The following CAMK1D variants were observed in gnomAD, a reference collection of about 807,000 sequenced individuals.
CAMK1D encodes the protein calcium/calmodulin-dependent protein kinase type 1D.
Under a neutral mutation model 47.7 loss-of-function variants are expected in CAMK1D, and 9 were observed. The ratio of observed to expected loss-of-function variants is 0.19; its 90% CI spans 0.11 to 0.33. The LOEUF is 0.33. Among genes scored for constraint, CAMK1D ranks in the 10% least tolerant of loss-of-function variants. CAMK1D has a pLI of 1.00. For synonymous variants in CAMK1D, 184 were observed against 184.9 expected, an observed-to-expected ratio of 0.99 and a Z score of 0.04; for missense variants, 291 against 488.7, an observed-to-expected ratio of 0.60 and a Z score of 3.81.
intron 5 of CAMK1D, among the ~76,000 whole-genome samples, chr10:12,771,496 C>G (rs1300474695): frequency 9.9e-5 from 15 of 152,184 alleles, no homozygotes; most frequent in Non-Finnish European, 1.9e-4. Context: ...ATGTCAAGCT[C>G]AAGTGTCATA....
intron 2 of CAMK1D, among the ~76,000 whole-genome samples, chr10:12,641,184 G>C (rs1050451544): frequency 3.3e-5 from 5 of 152,158 alleles, no homozygotes; most frequent in African/African-American, 9.7e-5. Context: ...GGCCAGGATT[G>C]TCTCGAACGC....
intron 2 of CAMK1D, among the ~76,000 whole-genome samples, chr10:12,661,072 ATTCC>A (rs1375315540): frequency 1.3e-5 from 2 of 151,952 alleles, no homozygotes; most frequent in Non-Finnish European, 2.9e-5. Context: ...ACTTCTCCCT[ATTCC>A]TTCTGCTTTT....
intron 5 of CAMK1D, among the ~76,000 whole-genome samples, chr10:12,780,102 T>C (rs1370284807): frequency 6.6e-6 from 1 of 152,218 alleles, no homozygotes; most frequent in East Asian, 1.9e-4. Context: ...TTGGTCAACA[T>C]TCTCGGTGTA....
At chr10:12,796,244 C>G (rs2131014877) in intron 6 of CAMK1D, among the ~76,000 whole-genome samples, 1 of 152,224 alleles carries the variant, frequency 6.6e-6, no homozygotes, top group African/African-American at 2.4e-5. Flanking sequence ...ACGTCAGAGG[C>G]ACAAGAGCAG....
intron 3 of CAMK1D, among the ~76,000 whole-genome samples, chr10:12,724,114 G>A (rs920017685): frequency 1.7e-4 from 26 of 152,096 alleles, no homozygotes; most frequent in Admixed American, 1.4e-3. Context: ...TCGGCCTCCC[G>A]AGGAGTTGGG....
intron 3 of CAMK1D, among the ~76,000 whole-genome samples, chr10:12,719,449 A>G (rs1834286805): frequency 6.6e-6 from 1 of 151,986 alleles, no homozygotes; most frequent in African/African-American, 2.4e-5. Context: ...CTGTAAAAAG[A>G]ATTTCCCTCA....
At chr10:12,384,853 C>G (rs1838443481) in intron 1 of CAMK1D, among the ~76,000 whole-genome samples, 1 of 152,142 alleles carries the variant, frequency 6.6e-6, no homozygotes, top group African/African-American at 2.4e-5. Flanking sequence ...GAAAAGACAC[C>G]TCACAGAGTG....
chr10:12,563,063 AG>A (rs1212148225), intron 2 of CAMK1D, among the ~76,000 whole-genome samples: 1 of 152,226 alleles, frequency 6.6e-6, no homozygotes, highest in African/African-American at 2.4e-5. Flanking sequence ...GTAATTCTGG[AG>A]GCTGAGAAGC....
chr10:12,457,340 G>A (rs1173241456), intron 1 of CAMK1D, among the ~76,000 whole-genome samples: 14 of 151,608 alleles, frequency 9.2e-5, no homozygotes, highest in African/African-American at 3.4e-4. Flanking sequence ...GCAGTGAGCC[G>A]AGATCGAGCC....
chr10:12,612,344 T>C (rs1838655508), intron 2 of CAMK1D, among the ~76,000 whole-genome samples: 1 of 149,642 alleles, frequency 6.7e-6, no homozygotes, highest in Non-Finnish European at 1.5e-5. Context: ...AATTACTTTT[T>C]TTTTTTTTTT....
chr10:12,690,979 C>G (rs368732144), intron 3 of CAMK1D, among the ~76,000 whole-genome samples: 1 of 152,154 alleles, frequency 6.6e-6, no homozygotes, highest in Non-Finnish European at 1.5e-5. Flanking sequence ...ACAGGGAGCC[C>G]TTTCTCTCTG....
At chr10:12,751,107 AT>A (rs1336669390) in intron 3 of CAMK1D, among the ~76,000 whole-genome samples, 81 of 92,528 alleles carry the variant, frequency 8.8e-4, no homozygotes, top group Non-Finnish European at 1.5e-3. Flanking sequence ...ATAAGATAAG[AT>A]AAGATAAGAT....
At chr10:12,711,039 T>C (rs1331276036) in intron 3 of CAMK1D, among the ~76,000 whole-genome samples, 1 of 152,234 alleles carries the variant, frequency 6.6e-6, no homozygotes, top group Non-Finnish European at 1.5e-5. Flanking sequence ...AAGCCTGTTG[T>C]TGGATAGAGC....
chr10:12,386,972 C>T (rs1424196335), intron 1 of CAMK1D, among the ~76,000 whole-genome samples: 4 of 152,136 alleles, frequency 2.6e-5, no homozygotes, highest in African/African-American at 4.8e-5. Flanking sequence ...GAAGCTGAGG[C>T]GGGTGGATCA....
At chr10:12,569,114 C>G (rs995758879) in intron 2 of CAMK1D, among the ~76,000 whole-genome samples, 1 of 152,248 alleles carries the variant, frequency 6.6e-6, no homozygotes, top group East Asian at 1.9e-4. Flanking sequence ...AACAGATGGT[C>G]TACATGGCAA....
chr10:12,366,704 A>G (rs1048398510), intron 1 of CAMK1D, among the ~76,000 whole-genome samples: 2 of 150,248 alleles, frequency 1.3e-5, no homozygotes, highest in African/African-American at 4.9e-5. Flanking sequence ...GATCCTGGGC[A>G]GTCAGTCATT....
intron 2 of CAMK1D, among the ~76,000 whole-genome samples, chr10:12,651,965 G>C (rs994499708): frequency 3.3e-5 from 5 of 151,640 alleles, no homozygotes; most frequent in African/African-American, 9.7e-5. Flanking sequence ...ATTTTCAGTA[G>C]AGATGGGGTT....
intron 1 of CAMK1D, among the ~76,000 whole-genome samples, chr10:12,534,909 T>C (rs567730159): frequency 7.8e-4 from 119 of 152,238 alleles, no homozygotes; most frequent in Non-Finnish European, 1.3e-3. Context: ...AGTGCCCATG[T>C]CATTCATTTA....
chr10:12,778,986 A>G (rs569001579), intron 5 of CAMK1D, among the ~76,000 whole-genome samples: 11 of 152,342 alleles, frequency 7.2e-5, no homozygotes, highest in African/African-American at 2.4e-4. Context: ...AAGGAGAGTC[A>G]CAGGTGCAGA....
Sources: gnomAD v4.1 joint callset for allele counts (sites outside exome capture counted in the v4.1 genomes callset) on GRCh38, gnomAD v4.1.1 for gene constraint, MANE v1.5 for transcripts, NCBI Gene and HGNC (gene_info 2026-07-23, HGNC 2026-07-21) for gene names.